FCHSD2: variants seen among roughly 807,000 people sequenced by gnomAD.
The protein encoded by FCHSD2 is FCH and double SH3 domains 2.
FCHSD2 carries 38 observed loss-of-function variants against 108.1 expected under a neutral mutation model. The observed-to-expected ratio is 0.35, with a 90% CI of 0.27 to 0.46. The LOEUF (loss-of-function observed/expected upper bound fraction) is 0.46, where lower values mean the gene tolerates loss of function less well. Among genes scored for constraint, FCHSD2 ranks in the 20% least tolerant of loss-of-function variants. The pLI, the probability that FCHSD2 is intolerant of heterozygous loss-of-function variation, is 1.00. For missense variants in FCHSD2, 751 were observed against 897.8 expected (o/e 0.84, Z 2.09); for synonymous variants, 279 against 314.7 (o/e 0.89, Z 1.20).
At chr11:72,868,156 T>C (rs1854771357) in intron 12 of FCHSD2, 130 bp from the exon 13 acceptor site, 2 of 770,616 alleles carry the variant, frequency 2.6e-6, no homozygotes, top group South Asian at 1.9e-5. Context: ...CACCATGGAA[T>C]ACTATGCAGC....
At chr11:72,985,503 G>A (rs890956097) in intron 6 of FCHSD2, among the ~76,000 whole-genome samples, 1 of 152,154 alleles carries the variant, frequency 6.6e-6, no homozygotes, top group Non-Finnish European at 1.5e-5. Flanking sequence ...AGAGACCCAG[G>A]GACAATCAAC....
intron 3 of FCHSD2, among the ~76,000 whole-genome samples, chr11:73,024,594 C>G (rs1444084681): frequency 6.6e-6 from 1 of 151,756 alleles, no homozygotes; most frequent in Admixed American, 6.6e-5. Flanking sequence ...ACATCAAGTT[C>G]AATATATATT....
chr11:72,972,670 T>C (rs973811508), intron 8 of FCHSD2, among the ~76,000 whole-genome samples: 1 of 152,260 alleles, frequency 6.6e-6, no homozygotes, highest in Non-Finnish European at 1.5e-5. Context: ...TTTATCTTTC[T>C]GAGTCACAGG....
intron 2 of FCHSD2, among the ~76,000 whole-genome samples, chr11:73,105,769 T>C (rs993617323): frequency 9.2e-5 from 14 of 152,214 alleles, no homozygotes; most frequent in African/African-American, 3.4e-4. Context: ...TTTTAAGTTT[T>C]ACATAATCAT....
At chr11:72,857,434 C>G (rs1056970952) in intron 13 of FCHSD2, among the ~76,000 whole-genome samples, 1 of 110,128 alleles carries the variant, frequency 9.1e-6, no homozygotes, top group Non-Finnish European at 1.7e-5. Flanking sequence ...AATGCTTACT[C>G]CTTTTTTTTT....
intron 2 of FCHSD2, among the ~76,000 whole-genome samples, chr11:73,097,353 GGTTT>G (rs1180389826): frequency 6.6e-6 from 1 of 150,838 alleles, no homozygotes; most frequent in Non-Finnish European, 1.5e-5. Context: ...CAGTTTCCTA[GGTTT>G]GTTTGTTTGG....
At chr11:72,950,707 G>T (rs1446750446) in intron 8 of FCHSD2, among the ~76,000 whole-genome samples, 1 of 151,890 alleles carries the variant, frequency 6.6e-6, no homozygotes, top group African/African-American at 2.4e-5. Context: ...TTTCTTTTAG[G>T]ATATTTTAAT....
At chr11:72,915,548 C>G (rs1007301512) in intron 9 of FCHSD2, among the ~76,000 whole-genome samples, 1 of 152,010 alleles carries the variant, frequency 6.6e-6, no homozygotes, top group South Asian at 2.1e-4. Flanking sequence ...CATGGTCGGG[C>G]GTGGTGGCTC....
intron 2 of FCHSD2, among the ~76,000 whole-genome samples, chr11:73,097,534 G>A (rs1346089025): frequency 2.7e-5 from 4 of 150,698 alleles, no homozygotes; most frequent in Non-Finnish European, 4.4e-5. Flanking sequence ...GTTTTAGTAG[G>A]ATTGGTGTTA....
rs576448096 is a variant in FCHSD2, at chr11:73,026,850, T to C, written c.166-10965A>G. Among the ~76,000 whole-genome samples, 13 of 152,264 alleles carry C rather than the reference T, an allele frequency of 8.5e-5. No homozygotes were observed. In the South Asian group the frequency reaches 2.7e-3, roughly 32 times the overall value. ...GGTTTAAAAGTTTGGCACTTCCCCCTTTGCTCGCTCTCTCTCCTGCGACCA... is the reference window on the plus strand; with the variant it reads ...GGTTTAAAAGTTTGGCACTTCCCCCCTTGCTCGCTCTCTCTCCTGCGACCA... On this transcript the variant is annotated intron_variant, in intron 3 of 19. Transcript: ENST00000409418.
chr11:72,853,635 G>A (rs557064001), intron 13 of FCHSD2, among the ~76,000 whole-genome samples: 2 of 151,960 alleles, frequency 1.3e-5, no homozygotes, highest in Non-Finnish European at 2.9e-5. Context: ...GGCTGGTCTC[G>A]AACTCCTGAG....
At chr11:72,890,248 A>G (rs1225158304) in intron 10 of FCHSD2, among the ~76,000 whole-genome samples, 1 of 152,252 alleles carries the variant, frequency 6.6e-6, no homozygotes, top group African/African-American at 2.4e-5. Context: ...GAAGGAAGCT[A>G]GCTAAGGTAA....
intron 9 of FCHSD2, among the ~76,000 whole-genome samples, chr11:72,919,522 T>A (rs1445011818): frequency 6.6e-6 from 1 of 152,188 alleles, no homozygotes; most frequent in Admixed American, 6.5e-5. Context: ...CCAAGCCACA[T>A]AAACTTCTGA....
chr11:73,129,344 A>G (rs948388957), intron 2 of FCHSD2, among the ~76,000 whole-genome samples: 1 of 152,202 alleles, frequency 6.6e-6, no homozygotes, highest in Non-Finnish European at 1.5e-5. Context: ...GGGACACACA[A>G]CAGGAGGTGA....
intron 2 of FCHSD2, among the ~76,000 whole-genome samples, chr11:73,109,558 A>C (rs1426324836): frequency 6.6e-6 from 1 of 152,138 alleles, no homozygotes; most frequent in African/African-American, 2.4e-5. Context: ...TCTGTATGCT[A>C]ATTTCATATC....
intron 2 of FCHSD2, among the ~76,000 whole-genome samples, chr11:73,130,047 A>AT (rs1002975907): frequency 3.3e-5 from 5 of 150,828 alleles, no homozygotes; most frequent in Non-Finnish European, 7.4e-5. Flanking sequence ...CGCCCAGCTA[A>AT]TTTTTTTTAG....
intron 2 of FCHSD2, among the ~76,000 whole-genome samples, chr11:73,128,362 T>A (rs1860908616): frequency 6.6e-6 from 1 of 152,134 alleles, no homozygotes. Context: ...AACAATAATG[T>A]GGCAAAAGCT....
chr11:72,978,621 C>T (rs563965617), intron 8 of FCHSD2, among the ~76,000 whole-genome samples: 4 of 152,144 alleles, frequency 2.6e-5, no homozygotes, highest in South Asian at 2.1e-4. Flanking sequence ...ATTATAGGAG[C>T]GATTTCCCTG....
At chr11:72,847,143 T>C (rs911009497) in intron 14 of FCHSD2, among the ~76,000 whole-genome samples, 2 of 152,176 alleles carry the variant, frequency 1.3e-5, no homozygotes, top group South Asian at 2.1e-4. Context: ...ACGATAGGCA[T>C]GTGCCACCAT....
Sources: gnomAD v4.1 joint callset for allele counts (sites outside exome capture counted in the v4.1 genomes callset) on GRCh38, gnomAD v4.1.1 for gene constraint, MANE v1.5 for transcripts, NCBI Gene and HGNC (gene_info 2026-07-23, HGNC 2026-07-21) for gene names.